The following PRKCE variants were observed in gnomAD, a reference collection of about 807,000 sequenced individuals.
PRKCE encodes protein kinase C epsilon type.
A neutral mutation model predicts 85.4 loss-of-function variants in PRKCE; 16 were observed. That is an observed-to-expected ratio of 0.19 (90% confidence interval 0.13 to 0.28). The LOEUF is 0.28. PRKCE is among the 10% of genes least tolerant of loss of function. The pLI, the probability that PRKCE is intolerant of heterozygous loss-of-function variation, is 1.00. For synonymous variants in PRKCE, 388 were observed against 371.5 expected (o/e 1.04, Z -0.51); for missense variants, 573 against 975.2 (o/e 0.59, Z 5.49).
intron 2 of PRKCE, among the ~76,000 whole-genome samples, chr2:45,903,938 C>G (rs1420713593): frequency 6.8e-6 from 1 of 147,592 alleles, no homozygotes; most frequent in Admixed American, 6.8e-5. Flanking sequence ...GGGTCTCACT[C>G]TGTTGCCCAG....
At chr2:46,118,545 C>T (rs1019574832) in intron 11 of PRKCE, among the ~76,000 whole-genome samples, 7 of 152,098 alleles carry the variant, frequency 4.6e-5, no homozygotes, top group African/African-American at 1.7e-4. Flanking sequence ...TCATGGAAAG[C>T]CTTGGACTAA....
intron 1 of PRKCE, among the ~76,000 whole-genome samples, chr2:45,732,310 C>T (rs56081626): frequency 3.3e-5 from 5 of 152,264 alleles, no homozygotes; most frequent in African/African-American, 1.2e-4. Context: ...TAAGTACATT[C>T]TACCCAGGTT....
At chr2:45,836,477 A>G (rs1690886241) in intron 1 of PRKCE, among the ~76,000 whole-genome samples, 1 of 152,224 alleles carries the variant, frequency 6.6e-6, no homozygotes, top group African/African-American at 2.4e-5. Context: ...TGAGTTGCTC[A>G]TTGTATTGCC....
rs114210750 is a variant in PRKCE at position 45,946,844 on chromosome 2, C to T, written c.413-29585C>T. On this transcript the variant is annotated intron_variant, in intron 2 of 14. Transcript: ENST00000306156. Reference sequence around the variant, plus strand: ...CCAGTGCAAGCCTTAGCTATCACTCCGCCTTAGAGGGGTCAACTCCTATTA... The same window carrying T: ...CCAGTGCAAGCCTTAGCTATCACTCTGCCTTAGAGGGGTCAACTCCTATTA... Among the ~76,000 whole-genome samples the T allele has an allele frequency of 2.3e-3, 350 of 152,324 alleles. 2 individuals carry two copies. The highest frequency in any genetic ancestry group is 7.8e-3 in the African/African-American group (323 of 41,572).
At chr2:45,945,525 T>C (rs1424722645) in intron 2 of PRKCE, among the ~76,000 whole-genome samples, 1 of 152,150 alleles carries the variant, frequency 6.6e-6, no homozygotes, top group African/African-American at 2.4e-5. Flanking sequence ...GGATTACACT[T>C]CAACATCAGA....
At chr2:46,140,326 T>C (rs1377351267) in intron 11 of PRKCE, among the ~76,000 whole-genome samples, 2 of 152,120 alleles carry the variant, frequency 1.3e-5, no homozygotes, top group Non-Finnish European at 2.9e-5. Flanking sequence ...AAGAGTGTGG[T>C]ATAGAGTGAC....
chr2:46,050,797 T>C (rs1337365146), intron 10 of PRKCE, among the ~76,000 whole-genome samples: 1 of 152,250 alleles, frequency 6.6e-6, no homozygotes, highest in Non-Finnish European at 1.5e-5. Context: ...CCAACACATT[T>C]GGAGGCATCT....
chr2:45,732,892 T>A (rs944940192), intron 1 of PRKCE, among the ~76,000 whole-genome samples: 15 of 152,108 alleles, frequency 9.9e-5, no homozygotes, highest in African/African-American at 3.6e-4. Flanking sequence ...AGGAGAGAAG[T>A]TAAATCGTTA....
At chr2:46,151,327 C>T in intron 13 of PRKCE, 98 bp downstream of exon 13, 4 of 920,288 alleles carry the variant, frequency 4.3e-6, no homozygotes, top group East Asian at 3.0e-5. Flanking sequence ...ACACACACTC[C>T]CTTCTCCCTT....
chr2:46,065,975 A>G (rs1021664405), intron 10 of PRKCE, among the ~76,000 whole-genome samples: 1 of 152,176 alleles, frequency 6.6e-6, no homozygotes, highest in Admixed American at 6.5e-5. Context: ...CTGAGACTGT[A>G]TTGGTCCCCG....
chr2:45,841,460 A>T (rs1450251481), intron 1 of PRKCE, among the ~76,000 whole-genome samples: 1 of 152,218 alleles, frequency 6.6e-6, no homozygotes, highest in Non-Finnish European at 1.5e-5. Flanking sequence ...AGCACAAGAG[A>T]AAGATGAAGG....
At position 46,082,823 on chromosome 2, in the gene PRKCE, T is replaced by TA. The variant is rs554150541; in HGVS notation, c.1438-3384dup. Among the ~76,000 whole-genome samples the TA allele has an allele frequency of 1.4e-3, 215 of 152,310 alleles. 1 individual carries two copies. The highest frequency in any genetic ancestry group is 4.7e-3 in the African/African-American group (196 of 41,580). ...AGAGAGGTCAAAGAAAATGAAGACT[T>TA]ACGATAATAACTGCTGGAATAGCAT... On this transcript the variant is annotated intron_variant, in intron 10 of 14. Coordinates refer to ENST00000306156, the MANE Select transcript of PRKCE (RefSeq NM_005400.3).
intron 2 of PRKCE, among the ~76,000 whole-genome samples, chr2:45,974,165 A>G (rs1368759150): frequency 6.6e-6 from 1 of 152,242 alleles, no homozygotes; most frequent in Non-Finnish European, 1.5e-5. Context: ...TGAAAATAGT[A>G]GAACATTCTA....
chr2:46,002,555 C>T (rs1201333666), intron 7 of PRKCE, among the ~76,000 whole-genome samples: 3 of 152,208 alleles, frequency 2.0e-5, no homozygotes, highest in Non-Finnish European at 2.9e-5. Flanking sequence ...TTCTTATTTT[C>T]TTAAACTTCT....
At chr2:45,874,057 G>A (rs1363914699) in intron 2 of PRKCE, among the ~76,000 whole-genome samples, 1 of 152,224 alleles carries the variant, frequency 6.6e-6, no homozygotes, top group Non-Finnish European at 1.5e-5. Context: ...TGTGAGGAGG[G>A]TTAGATGATA....
chr2:45,941,572 C>T (rs1039491431), intron 2 of PRKCE, among the ~76,000 whole-genome samples: 16 of 152,098 alleles, frequency 1.1e-4, no homozygotes, highest in African/African-American at 1.7e-4. Context: ...AGAACTTCAA[C>T]GGAACCTTGA....
intron 10 of PRKCE, among the ~76,000 whole-genome samples, chr2:46,033,502 G>A (rs1228642206): frequency 1.3e-5 from 2 of 152,188 alleles, no homozygotes; most frequent in South Asian, 2.1e-4. Context: ...CACCCCTTGA[G>A]ATACAGATTC....
intron 11 of PRKCE, among the ~76,000 whole-genome samples, chr2:46,118,928 G>C (rs1366084866): frequency 6.6e-6 from 1 of 152,198 alleles, no homozygotes; most frequent in South Asian, 2.1e-4. Context: ...GCCTGCAACA[G>C]ATGGAGCAAA....
chr2:46,036,119 A>G (rs1226789948), intron 10 of PRKCE, among the ~76,000 whole-genome samples: 2 of 152,312 alleles, frequency 1.3e-5, no homozygotes, highest in Admixed American at 6.5e-5. Flanking sequence ...TGTCCCTGGC[A>G]GATCGAGTGG....
Sources: gnomAD v4.1 joint callset for allele counts (sites outside exome capture counted in the v4.1 genomes callset) on GRCh38, gnomAD v4.1.1 for gene constraint, MANE v1.5 for transcripts, NCBI Gene and HGNC (gene_info 2026-07-23, HGNC 2026-07-21) for gene names.